Variants in FGF14 observed in about 807,000 individuals in gnomAD.
FGF14 encodes the protein fibroblast growth factor homologous factor 4.
A neutral mutation model predicts 25.5 loss-of-function variants in FGF14; 5 were observed. The observed-to-expected ratio is 0.20, with a 90% CI of 0.10 to 0.41. The LOEUF (loss-of-function observed/expected upper bound fraction) is 0.41, where lower values mean the gene tolerates loss of function less well. Among genes scored for constraint, FGF14 ranks in the 10% least tolerant of loss-of-function variants. The pLI is 1.00. For synonymous variants in FGF14, 138 were observed against 118.3 expected, an observed-to-expected ratio of 1.17 and a Z score of -1.08; for missense variants, 222 against 320.1, an observed-to-expected ratio of 0.69 and a Z score of 2.34.
At chr13:102,043,298 A>C (rs61966518) in intron 1 of FGF14, among the ~76,000 whole-genome samples, 2,549 of 152,228 alleles carry the variant, frequency 0.017, 30 homozygotes, top group Middle Eastern at 0.048. Context: ...TCTTCTCAGG[A>C]CTTTTCCTCA....
At chr13:102,200,667 A>G (rs1203716632) in intron 1 of FGF14, among the ~76,000 whole-genome samples, 1 of 151,306 alleles carries the variant, frequency 6.6e-6, no homozygotes, top group Non-Finnish European at 1.5e-5. Context: ...TTTCCTTAAT[A>G]AATCGGACTT....
intron 3 of FGF14, among the ~76,000 whole-genome samples, chr13:101,862,005 G>C (rs1451278133): frequency 1.3e-5 from 2 of 152,196 alleles, no homozygotes; most frequent in Non-Finnish European, 2.9e-5. Flanking sequence ...CATCACTCTA[G>C]AAGAGGACTT....
chr13:101,754,269 T>C (rs965674811), intron 3 of FGF14, among the ~76,000 whole-genome samples: 1 of 152,210 alleles, frequency 6.6e-6, no homozygotes, highest in Non-Finnish European at 1.5e-5. Context: ...TCCACCCATG[T>C]GTGTTTCCTC....
chr13:101,746,525 A>G (rs776179987), intron 3 of FGF14, among the ~76,000 whole-genome samples: 7 of 151,976 alleles, frequency 4.6e-5, no homozygotes, highest in Non-Finnish European at 8.8e-5. Context: ...ATGTTCATAT[A>G]CTCCTAGAGA....
chr13:102,161,918 C>G (rs947864624), intron 1 of FGF14, among the ~76,000 whole-genome samples: 2 of 151,362 alleles, frequency 1.3e-5, no homozygotes, highest in Non-Finnish European at 2.9e-5. Flanking sequence ...AAAATTATAA[C>G]TGTTTTCTTT....
chr13:101,797,588 A>G (rs1310337626), intron 3 of FGF14, among the ~76,000 whole-genome samples: 1 of 152,084 alleles, frequency 6.6e-6, no homozygotes, highest in East Asian at 1.9e-4. Context: ...AGGCTGACCA[A>G]GCTTTGATTT....
chr13:101,769,969 T>C (rs2038655903), intron 3 of FGF14, among the ~76,000 whole-genome samples: 2 of 152,102 alleles, frequency 1.3e-5, no homozygotes, highest in Admixed American at 6.6e-5. Flanking sequence ...TGGGTGCTAA[T>C]GATGCATCAT....
intron 1 of FGF14, among the ~76,000 whole-genome samples, chr13:101,975,522 C>T (rs942417261): frequency 6.6e-6 from 1 of 152,190 alleles, no homozygotes; most frequent in African/African-American, 2.4e-5. Flanking sequence ...CATGACATTG[C>T]AACTCCCTCT....
At chr13:102,319,975 A>G (rs967075597) in intron 1 of FGF14, among the ~76,000 whole-genome samples, 8 of 152,200 alleles carry the variant, frequency 5.3e-5, no homozygotes, top group South Asian at 2.1e-4. Context: ...TTTATAGAGC[A>G]TATTGTTGGT....
chr13:102,270,387 AT>A (rs2053190632), intron 1 of FGF14, among the ~76,000 whole-genome samples: 2 of 151,350 alleles, frequency 1.3e-5, no homozygotes, highest in Non-Finnish European at 2.9e-5. Flanking sequence ...AATCTGTATC[AT>A]ATTACATGAA....
intron 1 of FGF14, among the ~76,000 whole-genome samples, chr13:101,992,582 T>C (rs2038966987): frequency 6.6e-6 from 1 of 151,710 alleles, no homozygotes; most frequent in Non-Finnish European, 1.5e-5. Context: ...TGAAAAAAAG[T>C]GAACAAGATG....
At chr13:101,953,378 G>A (rs2036295468) in intron 1 of FGF14, among the ~76,000 whole-genome samples, 3 of 152,010 alleles carry the variant, frequency 2.0e-5, no homozygotes, top group South Asian at 4.2e-4. Context: ...AACCCAGCAG[G>A]GGATCTGGGA....
chr13:102,264,289 A>T (rs994503121), intron 1 of FGF14, among the ~76,000 whole-genome samples: 3 of 152,144 alleles, frequency 2.0e-5, no homozygotes, highest in African/African-American at 7.2e-5. Context: ...CACTGACACC[A>T]ACGCAAAGTT....
chr13:102,027,629 T>G (rs577072553), intron 1 of FGF14, among the ~76,000 whole-genome samples: 10 of 152,062 alleles, frequency 6.6e-5, no homozygotes, highest in Non-Finnish European at 1.3e-4. Flanking sequence ...TTTTAGAAAA[T>G]TCTAGCTTAT....
intron 1 of FGF14, among the ~76,000 whole-genome samples, chr13:102,370,023 G>A (rs1164251588): frequency 6.6e-6 from 1 of 151,328 alleles, no homozygotes; most frequent in African/African-American, 2.4e-5. Flanking sequence ...ACAAGGTCTT[G>A]CTTTGTTGCC....
At chr13:102,168,734 A>T (rs1206621558) in intron 1 of FGF14, among the ~76,000 whole-genome samples, 1 of 152,146 alleles carries the variant, frequency 6.6e-6, no homozygotes, top group Non-Finnish European at 1.5e-5. Context: ...TTGCTGGGGA[A>T]ATCTGACATA....
At chr13:102,390,230 G>A (rs1008260340) in intron 1 of FGF14, among the ~76,000 whole-genome samples, 2 of 152,088 alleles carry the variant, frequency 1.3e-5, no homozygotes, top group African/African-American at 2.4e-5. Flanking sequence ...TTTTGGGGGC[G>A]GGTGATAGGA....
rs147454661 is a variant in FGF14, at chr13:102,060,871, A to C, written c.209-185575T>G. On this transcript the variant is annotated intron_variant, in intron 1 of 4. Coordinates refer to the FGF14 transcript ENST00000376131. ...CCATCACGCTCCCATTCTGTGTCTA[A>C]AAAAACCCAAGACCCTATTGGGCAC... Among the ~76,000 whole-genome samples, 800 of 152,216 alleles carry C rather than the reference A, an allele frequency of 5.3e-3. 5 individuals carry two copies. The highest frequency in any genetic ancestry group is 0.018 in the African/African-American group (765 of 41,528).
At chr13:102,264,361 C>T (rs189211391) in intron 1 of FGF14, among the ~76,000 whole-genome samples, 12 of 152,128 alleles carry the variant, frequency 7.9e-5, no homozygotes, top group Admixed American at 7.9e-4. Context: ...CTACTATTGA[C>T]ATGGAAAGCA....
Sources: gnomAD v4.1 joint callset for allele counts (sites outside exome capture counted in the v4.1 genomes callset) on GRCh38, gnomAD v4.1.1 for gene constraint, MANE v1.5 for transcripts, NCBI Gene and HGNC (gene_info 2026-07-23, HGNC 2026-07-21) for gene names.